SLC38A1: variants seen among roughly 807,000 people sequenced by gnomAD.
SLC38A1 encodes solute carrier family 38 member 1.
Under a neutral mutation model 60.3 loss-of-function variants are expected in SLC38A1, and 18 were observed. The ratio of observed to expected loss-of-function variants is 0.30; its 90% CI spans 0.21 to 0.44. The LOEUF is 0.44. Among genes scored for constraint, SLC38A1 ranks in the 20% least tolerant of loss-of-function variants. SLC38A1 has a pLI of 1.00. For missense variants in SLC38A1, 448 were observed against 587.2 expected, an observed-to-expected ratio of 0.76 and a Z score of 2.45; for synonymous variants, 196 against 212.1, an observed-to-expected ratio of 0.92 and a Z score of 0.66.
At chr12:46,246,948 T>C (rs1483882952) in intron 1 of SLC38A1, among the ~76,000 whole-genome samples, 1 of 152,128 alleles carries the variant, frequency 6.6e-6, no homozygotes, top group African/African-American at 2.4e-5. Context: ...GACCTGACTG[T>C]TAAAAGGAAA....
At chr12:46,223,222 T>C (rs1940728137) in intron 5 of SLC38A1, among the ~76,000 whole-genome samples, 1 of 152,138 alleles carries the variant, frequency 6.6e-6, no homozygotes, top group Non-Finnish European at 1.5e-5. Flanking sequence ...TGATCACAGG[T>C]AAGTTATTAA....
chr12:46,236,649 A>C (rs1249731145), intron 3 of SLC38A1, among the ~76,000 whole-genome samples: 1 of 152,154 alleles, frequency 6.6e-6, no homozygotes, highest in African/African-American at 2.4e-5. Context: ...TAGGCAGTCC[A>C]CCCTGCCTAG....
Position 46,254,417 on chromosome 12 carries a change from T to C in SLC38A1, c.-208-11103A>G, listed in dbSNP as rs182837928. 5.9e-5 allele frequency among the ~76,000 whole-genome samples: 9 copies of C among 152,376 alleles called. No homozygotes were observed. In the East Asian group the frequency reaches 1.5e-3, roughly 26 times the overall value. ...ATAGTAACACTGATTTGCTTTATTA[T>C]ACTTGGCCTGATTTTTTGTATAAAG... On this transcript the variant is annotated intron_variant, in intron 1 of 16. Transcript: ENST00000398637.
In SLC38A1 at chr12:46,229,029, C is replaced by T. The variant is rs1940969588; in HGVS notation, c.314+124G>A. ...CAAGCAATAAATATCAAAGTATGTA[C>T]TTGTAACTTAGCCAAGTTAATAAAA... On this transcript the variant is annotated intron_variant, in intron 5 of 16. Coordinates refer to ENST00000398637, the MANE Select transcript of SLC38A1 (RefSeq NM_030674.4). 1.4e-5 allele frequency: 8 copies of T among 570,298 alleles called. No homozygotes were observed. In the East Asian group the frequency reaches 2.3e-4, roughly 17 times the overall value. 35.3% of individuals were successfully genotyped at this position (570,298 alleles called of 1,614,324 possible). A position where few individuals can be genotyped will look rare whatever the true frequency, so the allele number is the denominator to read the frequency against.
chr12:46,209,540 T>C (rs985802826), intron 5 of SLC38A1, among the ~76,000 whole-genome samples: 3 of 152,280 alleles, frequency 2.0e-5, no homozygotes, highest in Middle Eastern at 6.8e-3. Flanking sequence ...CACCTGACTT[T>C]GGGCAACTTG....
Position 46,186,437 on chromosome 12 carries a change from A to G in SLC38A1, c.*2533T>C, listed in dbSNP as rs1353572090. On this transcript the variant is annotated 3_prime_UTR_variant, in exon 17 of 17. Coordinates refer to ENST00000398637, the MANE Select transcript of SLC38A1 (RefSeq NM_030674.4). The stretch of plus-strand genomic sequence containing the variant: ...CTACTAATTTAGCAGAAAAACTTCC[A>G]TAGCACTTGACTGTGCTGTTTAAAT... The G allele has an allele frequency of 1.3e-5, 2 of 152,244 alleles. No homozygotes were observed. Among genetic ancestry groups the G allele is most frequent in the East Asian group, 1.9e-4 (1 of 5,204 alleles). The allele number at this position is 152,244 out of a possible 1,614,324, so 9.4% of individuals were successfully genotyped here.
At chr12:46,232,418 A>G (rs1402972232) in intron 3 of SLC38A1, among the ~76,000 whole-genome samples, 2 of 152,264 alleles carry the variant, frequency 1.3e-5, no homozygotes, top group African/African-American at 4.8e-5. Flanking sequence ...AGATTGACAT[A>G]ATAAAAGCAA....
chr12:46,237,570 G>A (rs1000833500), intron 3 of SLC38A1, among the ~76,000 whole-genome samples: 1 of 151,792 alleles, frequency 6.6e-6, no homozygotes, highest in Non-Finnish European at 1.5e-5. Context: ...CTGTACCAAC[G>A]CTTGCCCTGG....
At chr12:46,195,315 C>T (rs961561376) in intron 16 of SLC38A1, among the ~76,000 whole-genome samples, 1 of 152,170 alleles carries the variant, frequency 6.6e-6, no homozygotes, top group Non-Finnish European at 1.5e-5. Flanking sequence ...CTGGAAGCTT[C>T]GTCCCAGAGG....
chr12:46,186,867 C>G lies in SLC38A1; in HGVS notation c.*2103G>C, dbSNP rs11183386. On this transcript the variant is annotated 3_prime_UTR_variant, in exon 17 of 17. Coordinates refer to ENST00000398637, the MANE Select transcript of SLC38A1 (RefSeq NM_030674.4). Reference sequence around the variant, plus strand: ...ATAGAAAGTAGCATAATATAGCTTGCAAACTAAATTATGTATTTTTAAAGG... The same window carrying G: ...ATAGAAAGTAGCATAATATAGCTTGGAAACTAAATTATGTATTTTTAAAGG... 4 of 152,138 alleles carry G rather than the reference C, an allele frequency of 2.6e-5. No homozygotes were observed. Among genetic ancestry groups the G allele is most frequent in the Non-Finnish European group, 5.9e-5 (4 of 68,028 alleles). The allele number at this position is 152,138 out of a possible 1,614,324, so 9.4% of individuals were successfully genotyped here.
At chr12:46,249,134 T>G (rs1232746041) in intron 1 of SLC38A1, among the ~76,000 whole-genome samples, 3 of 120,572 alleles carry the variant, frequency 2.5e-5, no homozygotes, top group Non-Finnish European at 4.8e-5. Flanking sequence ...CCAGACAGGG[T>G]GATAGAGTGA....
At chr12:46,221,543 A>G (rs1940659134) in intron 5 of SLC38A1, among the ~76,000 whole-genome samples, 1 of 152,182 alleles carries the variant, frequency 6.6e-6, no homozygotes, top group Admixed American at 6.5e-5. Flanking sequence ...TCTCTGATAA[A>G]TTTGCAACAA....
intron 1 of SLC38A1, among the ~76,000 whole-genome samples, chr12:46,262,004 C>T (rs139150031): frequency 3.3e-5 from 5 of 152,226 alleles, no homozygotes; most frequent in African/African-American, 9.6e-5. Flanking sequence ...GCTGTCTGGC[C>T]CCAAATGCCA....
intron 5 of SLC38A1, among the ~76,000 whole-genome samples, chr12:46,218,126 C>T (rs1940495161): frequency 6.6e-6 from 1 of 152,078 alleles, no homozygotes. Flanking sequence ...GATGTTGTAC[C>T]AGTGAGAAAG....
Position 46,213,433 on chromosome 12 carries a change from A to C in SLC38A1, c.315-4306T>G, listed in dbSNP as rs1940265653. On this transcript the variant is annotated intron_variant, in intron 5 of 16. Transcript: ENST00000398637. The stretch of plus-strand genomic sequence containing the variant: ...TAAATTGTTGATCCTTTTTACTTAT[A>C]TATCAACCACTGCATCTAACTTCAT... Among the ~76,000 whole-genome samples the C allele has an allele frequency of 2.0e-5, 3 of 152,210 alleles. No individual in the cohort carries two copies. In the South Asian group the frequency reaches 6.2e-4, roughly 31 times the overall value.
At chr12:46,255,822 A>G (rs1942001111) in intron 1 of SLC38A1, among the ~76,000 whole-genome samples, 1 of 152,168 alleles carries the variant, frequency 6.6e-6, no homozygotes, top group African/African-American at 2.4e-5. Context: ...GGCCTTATCT[A>G]GAATCTAATG....
At chr12:46,230,750 T>C (rs1250069245) in intron 3 of SLC38A1, among the ~76,000 whole-genome samples, 1 of 152,162 alleles carries the variant, frequency 6.6e-6, no homozygotes, top group East Asian at 1.9e-4. Context: ...AAATTTCTAA[T>C]TTAAAAAAAT....
intron 2 of SLC38A1, among the ~76,000 whole-genome samples, chr12:46,241,306 A>G (rs1317626247): frequency 1.3e-5 from 2 of 152,190 alleles, no homozygotes; most frequent in Non-Finnish European, 2.9e-5. Context: ...ACTAATTTCT[A>G]TTATTTTGAA....
chr12:46,239,927 A>G (rs1223312533), intron 2 of SLC38A1, 34 bp from the exon 3 acceptor site: 2 of 760,442 alleles, frequency 2.6e-6, no homozygotes, highest in Non-Finnish European at 4.2e-6. Context: ...ATAACTAAAC[A>G]TATGAAACGC....
Sources: allele counts gnomAD v4.1 joint callset (sites outside exome capture counted in the v4.1 genomes callset), GRCh38; gene constraint gnomAD v4.1.1; transcripts MANE v1.5; gene names NCBI Gene and HGNC (gene_info 2026-07-23, HGNC 2026-07-21).